Variants in FARP1 observed in about 807,000 individuals in gnomAD.
The protein encoded by FARP1 is FERM, ARHGEF and pleckstrin domain-containing protein 1.
FARP1 carries 52 observed loss-of-function variants against 128.8 expected under a neutral mutation model. That is an observed-to-expected ratio of 0.40 (90% CI 0.32 to 0.51). The LOEUF (loss-of-function observed/expected upper bound fraction) is 0.51. Among genes scored for constraint, FARP1 ranks in the 20% least tolerant of loss-of-function variants. FARP1 has a pLI of 0.45. For missense variants in FARP1, 1,333 were observed against 1,367.9 expected, an observed-to-expected ratio of 0.97 and a Z score of 0.40; for synonymous variants, 580 against 551.8, an observed-to-expected ratio of 1.05 and a Z score of -0.72.
chr13:98,144,961 C>T (rs1017232275), intron 1 of FARP1, among the ~76,000 whole-genome samples: 1 of 152,168 alleles, frequency 6.6e-6, no homozygotes, highest in Non-Finnish European at 1.5e-5. Flanking sequence ...GCACATGGCT[C>T]ACTTTATATT....
intron 2 of FARP1, among the ~76,000 whole-genome samples, chr13:98,292,115 G>A (rs1184024866): frequency 2.0e-5 from 3 of 152,200 alleles, no homozygotes; most frequent in Admixed American, 2.0e-4. Context: ...AAAGTATAGT[G>A]TGTGCCCTTA....
At chr13:98,324,808 C>T (rs1232335457) in intron 2 of FARP1, among the ~76,000 whole-genome samples, 2 of 152,214 alleles carry the variant, frequency 1.3e-5, no homozygotes, top group Non-Finnish European at 2.9e-5. Flanking sequence ...AGCCCCCATT[C>T]CAGGGGTCTT....
intron 9 of FARP1, 80 bp from the exon 10 acceptor site, chr13:98,389,877 A>G (rs1594478690): frequency 7.9e-6 from 11 of 1,386,930 alleles, no homozygotes; most frequent in South Asian, 1.3e-5. Context: ...GGACAAAGCT[A>G]TCTTCTGCCC....
chr13:98,382,789 C>A (rs139090543), intron 6 of FARP1, among the ~76,000 whole-genome samples: 48 of 152,152 alleles, frequency 3.2e-4, no homozygotes, highest in African/African-American at 1.1e-3. Flanking sequence ...TTTAGTGCCA[C>A]GCTTTTCGCA....
intron 8 of FARP1, 57 bp from the exon 9 acceptor site, chr13:98,388,326 A>C (rs1890176257): frequency 8.2e-6 from 11 of 1,343,704 alleles, no homozygotes; most frequent in Non-Finnish European, 1.1e-5. Flanking sequence ...AAACAGACCA[A>C]CTCCCAAGTT....
rs553644718 is a variant in FARP1, at chr13:98,372,573, T to C, written c.398+4378T>C. On this transcript the variant is annotated intron_variant, in intron 5 of 26. Transcript: ENST00000319562. ...CTGCTCTGCGCCCTGCACGCCCTAC[T>C]GAAGTGTTCTCTTAGACTGCAGGAG... 3.9e-5 allele frequency among the ~76,000 whole-genome samples: 6 copies of C among 152,306 alleles called. No homozygotes were observed. The South Asian group carries it at 1.0e-3, about 26-fold the overall frequency.
chr13:98,363,824 C>G (rs1350331936), intron 3 of FARP1, among the ~76,000 whole-genome samples: 2 of 152,154 alleles, frequency 1.3e-5, no homozygotes, highest in African/African-American at 4.8e-5. Context: ...TCACTGCAAC[C>G]TCTGTCTCTT....
intron 3 of FARP1, chr13:98,345,678 C>G (rs983008078): frequency 1.3e-5 from 2 of 152,242 alleles, no homozygotes; most frequent in African/African-American, 4.8e-5. Flanking sequence ...CTGGAGTGTT[C>G]TAGTCCCTAT....
In FARP1 at chr13:98,216,919, A is replaced by C. The variant is rs183220996; in HGVS notation, c.171+3506A>C. On this transcript the variant is annotated intron_variant, in intron 2 of 26. Coordinates refer to ENST00000319562, the MANE Select transcript of FARP1 (RefSeq NM_005766.4). Reference sequence around the variant, plus strand: ...TTATGTGGAAAACACCGTGCAAATAAGCTTCAGCCTGTGGTTTATGATATA... The same window carrying C: ...TTATGTGGAAAACACCGTGCAAATACGCTTCAGCCTGTGGTTTATGATATA... 3.6e-3 allele frequency among the ~76,000 whole-genome samples: 554 copies of C among 152,328 alleles called. 3 individuals carry two copies. The highest frequency in any genetic ancestry group is 4.4e-3 in the Non-Finnish European group (300 of 68,030).
intron 2 of FARP1, among the ~76,000 whole-genome samples, chr13:98,278,242 GTA>G (rs1218445301): frequency 6.7e-6 from 1 of 149,438 alleles, no homozygotes; most frequent in Non-Finnish European, 1.5e-5. Context: ...AGAACATGTT[GTA>G]TGTGTGTGTT....
At chr13:98,378,747 G>C (rs1364820288) in intron 6 of FARP1, among the ~76,000 whole-genome samples, 11 of 150,912 alleles carry the variant, frequency 7.3e-5, no homozygotes, top group Non-Finnish European at 1.3e-4. Flanking sequence ...GATACAGTAA[G>C]GTGTTTCAGA....
chr13:98,219,897 G>A (rs1881314641), intron 2 of FARP1, among the ~76,000 whole-genome samples: 1 of 151,978 alleles, frequency 6.6e-6, no homozygotes, highest in Non-Finnish European at 1.5e-5. Flanking sequence ...TCAAACTCCT[G>A]GACTGAAGTG....
intron 1 of FARP1, among the ~76,000 whole-genome samples, chr13:98,191,563 C>T (rs188770362): frequency 9.8e-5 from 15 of 152,304 alleles, no homozygotes; most frequent in African/African-American, 3.6e-4. Context: ...ATTATGAAAG[C>T]ATTCTGGGAG....
intron 2 of FARP1, among the ~76,000 whole-genome samples, chr13:98,251,387 A>G (rs1234073266): frequency 6.6e-6 from 1 of 152,232 alleles, no homozygotes; most frequent in Non-Finnish European, 1.5e-5. Context: ...CTTAATAGAA[A>G]GTCCCCACTG....
At chr13:98,143,066 C>G (rs1400019032), upstream of FARP1, 2 of 148,082 alleles carry the variant, frequency 1.4e-5, no homozygotes, top group Non-Finnish European at 3.0e-5. Flanking sequence ...AGGGGCCGGC[C>G]CAGACCCGGG....
chr13:98,177,375 G>T (rs515170), intron 1 of FARP1: 23 of 649,668 alleles, frequency 3.5e-5, no homozygotes, highest in Non-Finnish European at 5.4e-5. Context: ...GGCCAGGCGC[G>T]GTGACTCACT....
At chr13:98,245,011 C>T in intron 2 of FARP1, 1 of 1,118,280 alleles carries the variant, frequency 8.9e-7, no homozygotes, top group Non-Finnish European at 1.1e-6. Context: ...CATTTCTATT[C>T]CAGCCATAAA....
intron 2 of FARP1, among the ~76,000 whole-genome samples, chr13:98,314,274 CTTTTTTTTTTTTTTT>C (rs140938723): frequency 0.015 from 931 of 60,190 alleles, 20 homozygotes; most frequent in African/African-American, 0.06. Flanking sequence ...TATTTTATGT[CTTTTTTTTTTTTTTT>C]TTTTTTTTTG....
At chr13:98,316,604 G>A (rs1276933000) in intron 2 of FARP1, among the ~76,000 whole-genome samples, 1 of 152,128 alleles carries the variant, frequency 6.6e-6, no homozygotes, top group African/African-American at 2.4e-5. Context: ...TTTCGCCTTG[G>A]GGGTCTCCCA....
Sources: allele counts gnomAD v4.1 joint callset (sites outside exome capture counted in the v4.1 genomes callset), GRCh38; gene constraint gnomAD v4.1.1; transcripts MANE v1.5; gene names NCBI Gene and HGNC (gene_info 2026-07-23, HGNC 2026-07-21).